Variants in CPM observed in about 807,000 individuals in gnomAD.
The protein encoded by CPM is carboxypeptidase M.
In CPM, 35 loss-of-function variants were observed where a neutral mutation model predicts 46.4. That is an observed-to-expected ratio of 0.75 (90% CI 0.58 to 1.00). The LOEUF (loss-of-function observed/expected upper bound fraction) is 1.00. Ranked by LOEUF, CPM falls within the 50% of genes least tolerant of loss-of-function variation. CPM has a pLI of 0.00. For missense variants in CPM, 422 were observed against 530.4 expected (o/e 0.80, Z 2.01); for synonymous variants, 195 against 195.3 (o/e 1.00, Z 0.01).
intron 3 of CPM, among the ~76,000 whole-genome samples, chr12:68,872,923 T>C (rs1375452431): frequency 6.6e-6 from 1 of 152,176 alleles, no homozygotes; most frequent in African/African-American, 2.4e-5. Context: ...CAATAAGGCT[T>C]GGGAAACTGA....
At chr12:68,907,629 C>G (rs1312354971) in intron 2 of CPM, among the ~76,000 whole-genome samples, 1 of 152,162 alleles carries the variant, frequency 6.6e-6, no homozygotes, top group Non-Finnish European at 1.5e-5. Context: ...AGCCCAGCGG[C>G]TCCCACTCCA....
At chr12:68,926,922 T>C (rs1038463424) in intron 2 of CPM, among the ~76,000 whole-genome samples, 1 of 152,246 alleles carries the variant, frequency 6.6e-6, no homozygotes, top group Non-Finnish European at 1.5e-5. Context: ...CATAGTATTC[T>C]ATGGTGTATA....
Position 68,865,621 on chromosome 12 carries a change from C to T in CPM, c.940+1275G>A, listed in dbSNP as rs192631759. Among the ~76,000 whole-genome samples, 179 of 151,818 alleles carry T rather than the reference C, an allele frequency of 1.2e-3. 1 individual carries two copies. Among genetic ancestry groups the T allele is most frequent in the African/African-American group, 4.2e-3 (174 of 41,384 alleles). ...CCTTTTCAACACCCACACACACCCA[C>T]ACACACACACACTCACACTCTCTCT... On this transcript the variant is annotated intron_variant, in intron 7 of 8. Transcript: ENST00000551568.
chr12:68,917,547 T>A (rs1300772174), intron 2 of CPM, among the ~76,000 whole-genome samples: 1 of 152,220 alleles, frequency 6.6e-6, no homozygotes, highest in Admixed American at 6.5e-5. Context: ...AGAGTTAACA[T>A]AGCCAGTATG....
intron 8 of CPM, among the ~76,000 whole-genome samples, chr12:68,857,191 T>C (rs1253435752): frequency 4.6e-5 from 7 of 151,454 alleles, no homozygotes. Flanking sequence ...GATAGAGTCT[T>C]GCTCTGTCAC....
At chr12:68,909,517 C>A (rs980959288) in intron 2 of CPM, among the ~76,000 whole-genome samples, 1 of 152,104 alleles carries the variant, frequency 6.6e-6, no homozygotes, top group Non-Finnish European at 1.5e-5. Context: ...CACAAAAATG[C>A]ATATACCTTT....
chr12:68,946,911 C>A lies in CPM; in HGVS notation c.-3-14071G>T, dbSNP rs576174988. 1.7e-4 allele frequency among the ~76,000 whole-genome samples: 26 copies of A among 152,290 alleles called. No individual in the cohort carries two copies. The South Asian group carries it at 5.4e-3, about 32-fold the overall frequency. ...AAATAGCTCCAAATAAAAAAGTTTT[C>A]TTGACTCTGAAAAACACAAAGAATA... On this transcript the variant is annotated intron_variant, in intron 1 of 8. Transcript: ENST00000546373.
chr12:68,918,490 C>A (rs1887902295), intron 2 of CPM, among the ~76,000 whole-genome samples: 1 of 152,170 alleles, frequency 6.6e-6, no homozygotes, highest in African/African-American at 2.4e-5. Flanking sequence ...AATCTGTCCT[C>A]TTCCAGTTTT....
Position 68,870,377 on chromosome 12 carries a change from A to T in CPM, c.454T>A (p.Leu152Met). ...AAAGCATCGGGGAAATTTCGATTCA[A>T]GTCATACTGGTTATAATTTTCCCTT... Reference protein sequence around the residue: ...IGRENYNQYDLNRNFPDAFEY... With the variant: ...IGRENYNQYDMNRNFPDAFEY... The change falls in exon 5 of 9, where the codon TTG becomes ATG. Residue 152 changes from leucine to methionine, a missense_variant. Coordinates refer to ENST00000551568, the MANE Select transcript of CPM (RefSeq NM_198320.5). 2 of 1,614,150 alleles carry T rather than the reference A, an allele frequency of 1.2e-6. No individual in the cohort carries two copies. The highest frequency in any genetic ancestry group is 1.7e-6 in the Non-Finnish European group (2 of 1,179,990).
At chr12:68,939,710 A>G (rs1888731987) in intron 1 of CPM, among the ~76,000 whole-genome samples, 1 of 152,066 alleles carries the variant, frequency 6.6e-6, no homozygotes, top group Non-Finnish European at 1.5e-5. Context: ...ATGCAATCAT[A>G]TTTTGCTTTC....
intron 1 of CPM, among the ~76,000 whole-genome samples, chr12:68,942,605 G>A (rs1040836129): frequency 7.2e-5 from 11 of 152,050 alleles, no homozygotes; most frequent in African/African-American, 2.7e-4. Context: ...CACTGCACTT[G>A]CTCCTAGGGA....
At chr12:68,856,738 C>T in intron 8 of CPM, 59 bp from the exon 9 acceptor site, 1 of 1,572,556 alleles carries the variant, frequency 6.4e-7, no homozygotes, top group Admixed American at 1.8e-5. Context: ...GGTGCCCACA[C>T]TGAAAACACT....
In CPM at chr12:68,853,777, A is replaced by G. The variant is rs1152928; in HGVS notation, c.*2660T>C. On this transcript the variant is annotated 3_prime_UTR_variant, in exon 9 of 9. Coordinates refer to ENST00000551568, the MANE Select transcript of CPM (RefSeq NM_198320.5). ...GGGGAGGGGAGCGGAGGAAAGAAGA[A>G]AAGGAAGGGAAGGGGAGGGAAAGGG... is the stretch of plus-strand genomic sequence containing the variant. 0.023 allele frequency: 3,507 copies of G among 151,814 alleles called. 48 individuals carry two copies. The highest frequency in any genetic ancestry group is 0.041 in the African/African-American group (1,678 of 41,306). The allele number at this position is 151,814 out of a possible 1,614,324, so 9.4% of individuals were successfully genotyped here. A position where few individuals can be genotyped will look rare whatever the true frequency, so the allele number is the denominator to read the frequency against.
At chr12:68,867,296 C>T (rs893720445) in intron 6 of CPM, among the ~76,000 whole-genome samples, 2 of 152,138 alleles carry the variant, frequency 1.3e-5, no homozygotes, top group African/African-American at 2.4e-5. Context: ...AATTAAGTGA[C>T]GGGTGAAGGA....
intron 1 of CPM, among the ~76,000 whole-genome samples, chr12:68,958,152 A>G (rs921365815): frequency 6.6e-6 from 1 of 152,144 alleles, no homozygotes; most frequent in African/African-American, 2.4e-5. Flanking sequence ...CAATAAACAT[A>G]TGTGTGCATG....
chr12:68,869,054 T>C (rs1314886068), intron 6 of CPM, among the ~76,000 whole-genome samples: 13 of 152,196 alleles, frequency 8.5e-5, no homozygotes, highest in Admixed American at 8.5e-4. Flanking sequence ...GAGGTGTGTG[T>C]CTTGTTCATC....
intron 1 of CPM, among the ~76,000 whole-genome samples, chr12:68,954,646 C>G (rs574430392): frequency 2.6e-5 from 4 of 152,180 alleles, no homozygotes; most frequent in Non-Finnish European, 5.9e-5. Flanking sequence ...TCCCTGACCT[C>G]TCCTCTGTGC....
chr12:68,889,722 G>A (rs946681078), intron 2 of CPM, among the ~76,000 whole-genome samples: 5 of 152,032 alleles, frequency 3.3e-5, no homozygotes, highest in African/African-American at 4.8e-5. Flanking sequence ...CTAGCTACGC[G>A]GTATAAGATT....
chr12:68,914,484 T>C (rs1299185560), intron 2 of CPM, among the ~76,000 whole-genome samples: 1 of 152,178 alleles, frequency 6.6e-6, no homozygotes, highest in Non-Finnish European at 1.5e-5. Flanking sequence ...CCAGGATACG[T>C]TCCCTCTCAA....
Sources: gnomAD v4.1 joint callset for allele counts (sites outside exome capture counted in the v4.1 genomes callset) on GRCh38, gnomAD v4.1.1 for gene constraint, MANE v1.5 for transcripts, NCBI Gene and HGNC (gene_info 2026-07-23, HGNC 2026-07-21) for gene names.